The following GNAS variants were observed in gnomAD, a reference collection of about 807,000 sequenced individuals.
The protein encoded by GNAS is protein ALEX.
Under a neutral mutation model 54.5 loss-of-function variants are expected in GNAS, and 8 were observed. The ratio of observed to expected loss-of-function variants is 0.15; its 90% confidence interval spans 0.09 to 0.26. The LOEUF is 0.26. Among genes scored for constraint, GNAS ranks in the 10% least tolerant of loss-of-function variants. The probability of loss-of-function intolerance (pLI) is 1.00; values close to 1 mark genes in which losing one functional copy is unlikely to be tolerated. For missense variants in GNAS, 170 were observed against 529.8 expected (o/e 0.32, Z 6.67); for synonymous variants, 204 against 191.4 (o/e 1.07, Z -0.54).
chr20:58,843,664 CAGG>C (rs1174633345), intron 1 of GNAS, among the ~76,000 whole-genome samples: 3 of 152,136 alleles, frequency 2.0e-5, no homozygotes, highest in Admixed American at 6.5e-5. Context: ...GGAGGAGGAG[CAGG>C]AGAATAAAGC....
chr20:58,907,208 T>C (rs942609196), intron 6 of GNAS, among the ~76,000 whole-genome samples: 1 of 152,176 alleles, frequency 6.6e-6, no homozygotes, highest in Non-Finnish European at 1.5e-5. Context: ...CAGCCCTGCC[T>C]TCCCATAGGA....
intron 1 of GNAS, among the ~76,000 whole-genome samples, chr20:58,852,485 C>CT (rs1275025427): frequency 1.3e-5 from 2 of 152,184 alleles, no homozygotes; most frequent in African/African-American, 4.8e-5. Context: ...GCGCTCCGGA[C>CT]TAGGGGCTTG....
chr20:58,877,927 G>T lies in GNAS; in HGVS notation c.44-17685G>T, dbSNP rs181799081. 1.2e-4 allele frequency among the ~76,000 whole-genome samples: 18 copies of T among 152,326 alleles called. No homozygotes were observed. The East Asian group carries it at 2.3e-3, about 20-fold the overall frequency. ...ACAGCTGGAAAAAGCCTTTCTTCCT[G>T]GGAATGGGAAGTAACAAAATGAGTC... On this transcript the variant is annotated intron_variant, in intron 1 of 12. Coordinates refer to the GNAS transcript ENST00000306090.
intron 1 of GNAS, among the ~76,000 whole-genome samples, chr20:58,871,129 C>T (rs182965120): frequency 2.2e-4 from 33 of 152,280 alleles, no homozygotes; most frequent in Middle Eastern, 6.8e-3. Context: ...CTTTCGCTAG[C>T]GGGGAAGAGC....
At chr20:58,858,677 A>G (rs574958757) in intron 1 of GNAS, among the ~76,000 whole-genome samples, 1 of 152,198 alleles carries the variant, frequency 6.6e-6, no homozygotes, top group African/African-American at 2.4e-5. Context: ...TTCTGCTATG[A>G]TGCTTTATTT....
intron 1 of GNAS, chr20:58,842,452 A>G: frequency 2.5e-6 from 1 of 398,672 alleles, no homozygotes; most frequent in Non-Finnish European, 4.4e-6. Flanking sequence ...TCTTCCTTCC[A>G]GGACCTATTC....
At chr20:58,840,508 C>T (rs757886349), upstream of GNAS, 1 of 1,613,326 alleles carries the variant, frequency 6.2e-7, no homozygotes, top group Non-Finnish European at 8.5e-7. This position sits in a 1 kb window ranked among gnomAD's most constrained non-coding sequence, Gnocchi z 6.0. Context: ...CCGCCCCCAC[C>T]ACTGAGCCCG....
intron 1 of GNAS, among the ~76,000 whole-genome samples, chr20:58,866,359 A>G (rs1054228091): frequency 2.6e-5 from 4 of 152,228 alleles, no homozygotes; most frequent in African/African-American, 4.8e-5. Flanking sequence ...GGAATAATAC[A>G]TAGCTAAGCC....
At position 58,856,172 on chromosome 20, in the gene GNAS, C is replaced by G. The variant is rs2086496883; in HGVS notation, c.43+15286C>G. 1 of 156,786 alleles carries G rather than the reference C, an allele frequency of 6.4e-6. No individual in the cohort carries two copies. The highest frequency in any genetic ancestry group is 1.4e-5 in the Non-Finnish European group (1 of 70,686). 9.7% of individuals were successfully genotyped at this position (156,786 alleles called of 1,614,324 possible). A position where few individuals can be genotyped will look rare whatever the true frequency, so the allele number is the denominator to read the frequency against. ...CGTTTCCTCACTTCTCATTCGTTCGCCAAACCCTCCCGCCTTTACAGTTGA... is the reference window on the plus strand; with the variant it reads ...CGTTTCCTCACTTCTCATTCGTTCGGCAAACCCTCCCGCCTTTACAGTTGA... On this transcript the variant is annotated intron_variant, in intron 1 of 12. Transcript: ENST00000306090. This position sits in a 1 kb window ranked among gnomAD's most constrained non-coding sequence, Gnocchi z 4.2.
At position 58,909,603 on chromosome 20, in the gene GNAS, T is replaced by C. The variant is rs1188049370; in HGVS notation, c.718+24T>C. 4.3e-6 allele frequency: 7 copies of C among 1,614,016 alleles called. No individual in the cohort carries two copies. The highest frequency in any genetic ancestry group is 5.9e-6 in the Non-Finnish European group (7 of 1,180,012). Reference sequence around the variant, plus strand: ...CGGTAGGATGCTGTGGGCTTGGCTGTTCGTAAAGAACGCTTTGCTTCTGTG... The same window carrying C: ...CGGTAGGATGCTGTGGGCTTGGCTGCTCGTAAAGAACGCTTTGCTTCTGTG... On this transcript the variant is annotated intron_variant, in intron 9 of 12. Coordinates refer to ENST00000371085, the MANE Select transcript of GNAS (RefSeq NM_000516.7). This position sits in a 1 kb window ranked among gnomAD's most constrained non-coding sequence, Gnocchi z 7.3.
At chr20:58,893,072 T>TC (rs2089653502) in intron 1 of GNAS, among the ~76,000 whole-genome samples, 2 of 61,868 alleles carry the variant, frequency 3.2e-5, no homozygotes, top group African/African-American at 7.5e-5. Flanking sequence ...GTTTCTTTTT[T>TC]TTTTTTTTTT....
rs369370389 is a variant in GNAS, at chr20:58,898,930, C to T, written c.213-11C>T. 31 of 1,612,686 alleles carry T rather than the reference C, an allele frequency of 1.9e-5. No homozygotes were observed. In the African/African-American group the frequency reaches 3.6e-4, roughly 19 times the overall value. On this transcript the variant is annotated splice_polypyrimidine_tract_variant and intron_variant, in intron 2 of 12. Transcript: ENST00000371085. ...TGCAGATTAGGTGAGCTTTCAATCTCTCTTTAAAAGGGGCGGCGAAGAGGA... is the reference window on the plus strand; with the variant it reads ...TGCAGATTAGGTGAGCTTTCAATCTTTCTTTAAAAGGGGCGGCGAAGAGGA...
chr20:58,841,971 T>A lies in GNAS; in HGVS notation c.43+1085T>A. ...CCAAAGAGCGCGGTACGCGCAGAGC[T>A]GGGGAAAGGTGTTGGATCCGGCGCC... On this transcript the variant is annotated intron_variant, in intron 1 of 12. Coordinates refer to the GNAS transcript ENST00000306090. The surrounding 1 kb of genome is among the most constrained non-coding windows in gnomAD (Gnocchi z 5.0). 1.9e-6 allele frequency: 2 copies of A among 1,068,796 alleles called. No individual in the cohort carries two copies. Among genetic ancestry groups the A allele is most frequent in the East Asian group, 6.5e-5 (2 of 30,964 alleles). The allele number at this position is 1,068,796 out of a possible 1,614,324, so 66.2% of individuals were successfully genotyped here. A position where few individuals can be genotyped will look rare whatever the true frequency, so the allele number is the denominator to read the frequency against.
Position 58,909,616 on chromosome 20 carries a change from C to G in GNAS, c.718+37C>G, listed in dbSNP as rs1466898124. ...TGGGCTTGGCTGTTCGTAAAGAACG[C>G]TTTGCTTCTGTGTTGTTAGGGATCA... is the stretch of plus-strand genomic sequence containing the variant. On this transcript the variant is annotated intron_variant, in intron 9 of 12. Transcript: ENST00000371085. The surrounding 1 kb of genome is among the most constrained non-coding windows in gnomAD (Gnocchi z 7.3). The G allele has an allele frequency of 6.2e-7, 1 of 1,614,114 alleles. No individual in the cohort carries two copies. The highest frequency in any genetic ancestry group is 1.7e-5 in the Admixed American group (1 of 60,034).
At chr20:58,840,252 A>G (rs199948732), upstream of GNAS, 81 of 1,610,904 alleles carry the variant, frequency 5.0e-5, no homozygotes, top group Non-Finnish European at 6.4e-5. The surrounding 1 kb of genome is among the most constrained non-coding windows in gnomAD (Gnocchi z 6.0). Context: ...GCCACCTCCA[A>G]CGCCCGTGCC....
At chr20:58,890,297 GGAGGGCGCCGTC>G (rs1206673719), upstream of GNAS, among the ~76,000 whole-genome samples, 1 of 147,798 alleles carries the variant, frequency 6.8e-6, no homozygotes, top group Non-Finnish European at 1.5e-5. Context: ...AGGGCGCCGA[GGAGGGCGCCGTC>G]GGGGGCGCCG....
At chr20:58,887,033 C>T (rs922215973), upstream of GNAS, among the ~76,000 whole-genome samples, 4 of 152,146 alleles carry the variant, frequency 2.6e-5, no homozygotes, top group South Asian at 2.1e-4. Context: ...TTGCCTAGGA[C>T]GCATGTTAGT....
At chr20:58,879,783 C>G (rs1172375262) in intron 1 of GNAS, among the ~76,000 whole-genome samples, 1 of 152,256 alleles carries the variant, frequency 6.6e-6, no homozygotes, top group African/African-American at 2.4e-5. Context: ...ATCTTTATGG[C>G]TAGACTCTCA....
chr20:58,900,259 C>T (rs1466906976), intron 3 of GNAS: 3 of 480,522 alleles, frequency 6.2e-6, no homozygotes, highest in African/African-American at 5.8e-5. Flanking sequence ...TATGACAAGT[C>T]CTTAGTGAGC....
Sources: gnomAD v4.1 joint callset for allele counts (sites outside exome capture counted in the v4.1 genomes callset) on GRCh38, gnomAD v4.1.1 for gene constraint, Gnocchi (gnomAD v3.1) non-coding constraint, MANE v1.5 for transcripts, NCBI Gene and HGNC (gene_info 2026-07-23, HGNC 2026-07-21) for gene names.